CSTPP1: variants seen among roughly 807,000 people sequenced by gnomAD.
CSTPP1 encodes the protein centriolar satellite-associated tubulin polyglutamylase complex regulator 1.
the CSTPP1 span, chr11:46,987,281 A>G: frequency 4.3e-6 from 7 of 1,614,192 alleles, no homozygotes; most frequent in South Asian, 1.1e-5. Context: ...ATATTAGCCA[A>G]TATGGAATTG....
At chr11:47,038,098 G>A in the CSTPP1 span, among the ~76,000 whole-genome samples, 1 of 77,818 alleles carries the variant, frequency 1.3e-5, no homozygotes, top group Non-Finnish European at 3.7e-5. Flanking sequence ...TGGCCGGGCG[G>A]GGGGCTGACC....
the CSTPP1 span, among the ~76,000 whole-genome samples, chr11:47,077,713 G>A: frequency 6.6e-6 from 1 of 152,150 alleles, no homozygotes; most frequent in South Asian, 2.1e-4. Flanking sequence ...ACAACAGTTT[G>A]TGCAAGACAG....
chr11:47,085,170 C>T, the CSTPP1 span, among the ~76,000 whole-genome samples: 1 of 152,174 alleles, frequency 6.6e-6, no homozygotes, highest in Non-Finnish European at 1.5e-5. Context: ...CGCCACTGCA[C>T]TCCAGCCTGG....
the CSTPP1 span, among the ~76,000 whole-genome samples, chr11:47,015,535 T>C: frequency 1.3e-5 from 2 of 151,646 alleles, no homozygotes; most frequent in African/African-American, 4.8e-5. Context: ...TATCAGAAAC[T>C]CCAGGCCCAG....
chr11:47,127,393 GAC>G, the CSTPP1 span, among the ~76,000 whole-genome samples: 1 of 152,210 alleles, frequency 6.6e-6, no homozygotes, highest in Non-Finnish European at 1.5e-5. Context: ...GCAGTGCACT[GAC>G]AGTCTGGGAA....
chr11:46,967,673 C>T, the CSTPP1 span, among the ~76,000 whole-genome samples: 1 of 151,942 alleles, frequency 6.6e-6, no homozygotes, highest in Non-Finnish European at 1.5e-5. Context: ...CTGTGCCCGG[C>T]ACATAGGAAG....
At chr11:47,151,147 C>T in the CSTPP1 span, among the ~76,000 whole-genome samples, 3 of 152,144 alleles carry the variant, frequency 2.0e-5, no homozygotes, top group African/African-American at 7.2e-5. Flanking sequence ...TAGAAGAAGG[C>T]TCACGCCTGT....
chr11:47,157,817 C>T, the CSTPP1 span: 238 of 1,613,888 alleles, frequency 1.5e-4, no homozygotes, highest in Non-Finnish European at 1.9e-4. Flanking sequence ...TCTTAGCTGC[C>T]CACCCCCAGC....
At chr11:47,051,691 CTT>C in the CSTPP1 span, among the ~76,000 whole-genome samples, 10 of 132,996 alleles carry the variant, frequency 7.5e-5, no homozygotes, top group Non-Finnish European at 8.2e-5. Context: ...TATCTTTTTT[CTT>C]TTTTTTTTTT....
the CSTPP1 span, among the ~76,000 whole-genome samples, chr11:46,998,404 G>T: frequency 1.3e-5 from 2 of 152,308 alleles, no homozygotes; most frequent in African/African-American, 4.8e-5. Context: ...TGATAGAAAT[G>T]TACTTGCCAA....
the CSTPP1 span, among the ~76,000 whole-genome samples, chr11:47,005,433 C>T: frequency 2.0e-5 from 3 of 152,064 alleles, no homozygotes; most frequent in Non-Finnish European, 4.4e-5. Flanking sequence ...GAATAACGAA[C>T]AATTACAGAG....
At chr11:47,028,491 T>C in the CSTPP1 span, among the ~76,000 whole-genome samples, 1 of 152,148 alleles carries the variant, frequency 6.6e-6, no homozygotes, top group Non-Finnish European at 1.5e-5. Context: ...ACTGTAGTAA[T>C]TAGAAATACT....
chr11:46,955,990 C>G, the CSTPP1 span, among the ~76,000 whole-genome samples: 15 of 143,636 alleles, frequency 1.0e-4, no homozygotes, highest in East Asian at 4.0e-4. Flanking sequence ...CCATCCACCC[C>G]CCCCCCCCCA....
chr11:47,106,176 C>A, the CSTPP1 span, among the ~76,000 whole-genome samples: 3 of 152,166 alleles, frequency 2.0e-5, no homozygotes, highest in Non-Finnish European at 4.4e-5. Flanking sequence ...TGATTTGAGC[C>A]TATGATCTTA....
chr11:47,027,730 T>C, the CSTPP1 span, among the ~76,000 whole-genome samples: 2 of 152,312 alleles, frequency 1.3e-5, no homozygotes, highest in East Asian at 3.9e-4. Flanking sequence ...AGCTCAGTTC[T>C]CACAGATGGG....
chr11:47,074,098 G>C, the CSTPP1 span, among the ~76,000 whole-genome samples: 1 of 152,138 alleles, frequency 6.6e-6, no homozygotes, highest in African/African-American at 2.4e-5. Context: ...CAGCTACTTG[G>C]GAGGCTCAGG....
At chr11:47,053,709 A>G in the CSTPP1 span, among the ~76,000 whole-genome samples, 1 of 152,170 alleles carries the variant, frequency 6.6e-6, no homozygotes, top group African/African-American at 2.4e-5. Context: ...TGGGAGCCCA[A>G]GGTGGGAGGA....
chr11:47,056,327 C>G, the CSTPP1 span, among the ~76,000 whole-genome samples: 1 of 152,200 alleles, frequency 6.6e-6, no homozygotes, highest in East Asian at 1.9e-4. Context: ...TGTGATAGAA[C>G]ATATGGAGAT....
At chr11:47,037,325 A>T in the CSTPP1 span, among the ~76,000 whole-genome samples, 1 of 127,054 alleles carries the variant, frequency 7.9e-6, no homozygotes, top group East Asian at 2.1e-4. Flanking sequence ...CGTAGTTGGA[A>T]AAAGATCACC....
Sources: allele counts gnomAD v4.1 joint callset (sites outside exome capture counted in the v4.1 genomes callset), GRCh38; gene constraint gnomAD v4.1.1; transcripts MANE v1.5; gene names NCBI Gene and HGNC (gene_info 2026-07-23, HGNC 2026-07-21).